BRSK1: variants seen among roughly 807,000 people sequenced by gnomAD.
The protein encoded by BRSK1 is serine/threonine-protein kinase BRSK1.
In BRSK1, 17 loss-of-function variants were observed where a neutral mutation model predicts 86.2. The observed-to-expected ratio is 0.20, with a 90% CI of 0.14 to 0.30. BRSK1 has a LOEUF of 0.30. BRSK1 is among the 10% of genes least tolerant of loss of function. The pLI, the probability that BRSK1 is intolerant of heterozygous loss-of-function variation, is 1.00. For missense variants in BRSK1, 719 were observed against 1,071.9 expected (o/e 0.67, Z 4.60); for synonymous variants, 464 against 440.1 (o/e 1.05, Z -0.68).
rs763763405 is a variant in BRSK1 at position 55,302,199 on chromosome 19, C to T, written c.857+31C>T. On this transcript the variant is annotated intron_variant, in intron 9 of 18. Coordinates refer to ENST00000309383, the MANE Select transcript of BRSK1 (RefSeq NM_032430.2). The surrounding 1 kb of genome is among the most constrained non-coding windows in gnomAD (Gnocchi z 6.3). Reference sequence around the variant, plus strand: ...TATGGGGTAACTGGACTCTTGGGTCCCTGGCGGAAATAGGGGAGGGGCCAA... The same window carrying T: ...TATGGGGTAACTGGACTCTTGGGTCTCTGGCGGAAATAGGGGAGGGGCCAA... 6.2e-7 allele frequency: 1 copy of T among 1,613,714 alleles called. No homozygotes were observed. Among genetic ancestry groups the T allele is most frequent in the South Asian group, 1.1e-5 (1 of 91,066 alleles).
At position 55,302,705 on chromosome 19, in the gene BRSK1, A is replaced by C. The variant is rs780693381; in HGVS notation, c.866A>C (p.Lys289Thr). ...TTTCTCCACTTCCCCAGAGGCGGGAAACACGAGCCAGACCCGTGCCTGGAG... is the reference window on the plus strand; with the variant it reads ...TTTCTCCACTTCCCCAGAGGCGGGACACACGAGCCAGACCCGTGCCTGGAG... The part of the protein sequence containing the change: ...IQKHPWYLGG[K>T]HEPDPCLEPA... The change falls in exon 10 of 19, where the codon AAA becomes ACA. Residue 289 changes from lysine (K) to threonine (T), a missense_variant. Physicochemically the swap from Lys to Thr is moderately conservative, Grantham distance 78. This residue lies in a region of BRSK1 where 168 missense variants were observed against 246.3 expected (regional missense o/e 0.68). Transcript: ENST00000309383. The surrounding 1 kb of genome is among the most constrained non-coding windows in gnomAD (Gnocchi z 6.3). 1 of 1,605,204 alleles carries C rather than the reference A, an allele frequency of 6.2e-7. No homozygotes were observed. The highest frequency in any genetic ancestry group is 8.5e-7 in the Non-Finnish European group (1 of 1,174,190).
rs772293739 is a variant in BRSK1, at chr19:55,306,205, T to C, written c.1891-47T>C. On this transcript the variant is annotated intron_variant, in intron 16 of 18. Transcript: ENST00000309383. This position sits in a 1 kb window ranked among gnomAD's most constrained non-coding sequence, Gnocchi z 4.7. ...GGCCAGAGCTGGTCGTGGGGCTGGG[T>C]ATCCATTTCCTGGGCTCACCCCTTC... 22 of 1,595,808 alleles carry C rather than the reference T, an allele frequency of 1.4e-5. No homozygotes were observed. Among genetic ancestry groups the C allele is most frequent in the Middle Eastern group, 3.3e-4 (2 of 6,028 alleles).
chr19:55,285,814 T>A (rs2122923834), intron 1 of BRSK1, among the ~76,000 whole-genome samples: 1 of 152,082 alleles, frequency 6.6e-6, no homozygotes, highest in South Asian at 2.1e-4. Flanking sequence ...GGGGACCGAC[T>A]GGGCCGTAAC....
At chr19:55,299,968 G>GT (rs2088547088) in intron 7 of BRSK1, among the ~76,000 whole-genome samples, 1 of 152,076 alleles carries the variant, frequency 6.6e-6, no homozygotes, top group Non-Finnish European at 1.5e-5. Context: ...TCCATGGGGG[G>GT]TCACCTTGGC....
chr19:55,305,551 A>G lies in BRSK1; in HGVS notation c.1855A>G (p.Ser619Gly). Residue 619 changes from serine to glycine, a missense_variant, in exon 16 of 19, where the codon AGC becomes GGC. This residue lies in a region of BRSK1 where 180 missense variants were observed against 259.4 expected (regional missense o/e 0.69). Coordinates refer to ENST00000309383, the MANE Select transcript of BRSK1 (RefSeq NM_032430.2). ...CGTGCTAAAGGACAAACCTCTCAGC[A>G]GCATCAAAGCAGACATCGTCCATGC... ...FLVLKDKPLS[S>G]IKADIVHAFL... is the part of the protein sequence containing the mutation. The G allele has an allele frequency of 1.2e-6, 2 of 1,614,228 alleles. No homozygotes were observed. The highest frequency in any genetic ancestry group is 1.7e-6 in the Non-Finnish European group (2 of 1,180,026).
chr19:55,290,119 G>A (rs1181506710), intron 4 of BRSK1, among the ~76,000 whole-genome samples: 3 of 151,774 alleles, frequency 2.0e-5, no homozygotes, highest in Admixed American at 1.3e-4. Flanking sequence ...CTCAGCCTCC[G>A]GAGTAGCTGG....
intron 7 of BRSK1, 114 bp from the exon 8 acceptor site, chr19:55,301,398 T>A: frequency 7.6e-7 from 1 of 1,319,562 alleles, no homozygotes; most frequent in Non-Finnish European, 1.0e-6. Flanking sequence ...GCTGAGCCTC[T>A]CTGTGCCTCA....
chr19:55,287,197 C>T lies in BRSK1; in HGVS notation c.232-17C>T, dbSNP rs11878562. On this transcript the variant is annotated splice_polypyrimidine_tract_variant and intron_variant, in intron 2 of 18. Transcript: ENST00000309383. The surrounding 1 kb of genome is among the most constrained non-coding windows in gnomAD (Gnocchi z 5.3). ...GCTGACCTCTTTTCCCGTGTCCCCA[C>T]CCCTCTTGACCCTCAGGTGGAGCGG... 225,287 of 1,613,530 alleles carry T rather than the reference C, an allele frequency of 0.14. 17,665 individuals are homozygous for T. Among genetic ancestry groups the T allele is most frequent in the African/African-American group, 0.26 (19,652 of 74,882 alleles).
chr19:55,289,567 G>A lies in BRSK1; in HGVS notation c.405G>A (p.Lys135=). 6.2e-7 allele frequency: 1 copy of A among 1,614,152 alleles called. No homozygotes were observed. Among genetic ancestry groups the A allele is most frequent in the Non-Finnish European group, 8.5e-7 (1 of 1,180,028 alleles). The change falls in exon 4 of 19, where the codon AAG becomes AAA. Residue 135 remains lysine (K), a synonymous_variant. Coordinates refer to ENST00000309383, the MANE Select transcript of BRSK1 (RefSeq NM_032430.2). ...KGRLTPKEAR[K]FFRQIVSALD... ...GACTGACGCCCAAGGAGGCCCGAAA[G>A]TTCTTCCGCCAGATTGTGTCTGCGC...
chr19:55,308,296 A>T (rs1468139247), intron 17 of BRSK1, among the ~76,000 whole-genome samples: 1 of 106,614 alleles, frequency 9.4e-6, no homozygotes, highest in Non-Finnish European at 1.8e-5. Context: ...GAGTGTTGGG[A>T]TTACAGGCAT....
rs760041089 is a variant in BRSK1, at chr19:55,305,404, A to G, written c.1766+35A>G. On this transcript the variant is annotated intron_variant, in intron 15 of 18. Transcript: ENST00000309383. ...ACAGGGAAGGAAAGAGTGGGGATGCAGGGGATTCATGCCCTCGGCGCCTTC... is the reference window on the plus strand; with the variant it reads ...ACAGGGAAGGAAAGAGTGGGGATGCGGGGGATTCATGCCCTCGGCGCCTTC... 8 of 1,614,082 alleles carry G rather than the reference A, an allele frequency of 5.0e-6. No individual in the cohort carries two copies. The South Asian group carries it at 5.5e-5, about 11-fold the overall frequency.
At chr19:55,295,532 C>T (rs2088474026) in intron 7 of BRSK1, among the ~76,000 whole-genome samples, 1 of 152,178 alleles carries the variant, frequency 6.6e-6, no homozygotes, top group South Asian at 2.1e-4. Context: ...ATTCACAGAA[C>T]TGTGGGTTAA....
chr19:55,305,165 G>C lies in BRSK1; in HGVS notation c.1718-156G>C, dbSNP rs550499717. On this transcript the variant is annotated intron_variant, in intron 14 of 18. Coordinates refer to ENST00000309383, the MANE Select transcript of BRSK1 (RefSeq NM_032430.2). ...TTGGGGCTCTGGATTACCTCCCATT[G>C]GCCCGTGGTTTGTGAGCCCCGCCCA... 9.2e-5 allele frequency among the ~76,000 whole-genome samples: 14 copies of C among 152,290 alleles called. 1 individual carries two copies. In the South Asian group the frequency reaches 2.9e-3, roughly 32 times the overall value.
rs748366809 is a variant in BRSK1, at chr19:55,294,394, C to T, written c.675C>T (p.Leu225=). The change falls in exon 7 of 19, where the codon CTC becomes CTT. Residue 225 remains leucine (L), a synonymous_variant. Transcript: ENST00000309383. The surrounding 1 kb of genome is among the most constrained non-coding windows in gnomAD (Gnocchi z 4.9). ...GTGGAGTCATCCTCTTCGCCCTGCT[C>T]GTGGTAAGGCGCCCTCACCTCTCCT... ...WSCGVILFAL[L]VGALPFDDDN... is the part of the protein sequence containing the mutation. The T allele has an allele frequency of 1.1e-5, 18 of 1,613,688 alleles. No individual in the cohort carries two copies. The Admixed American group carries it at 1.5e-4, about 13-fold the overall frequency.
intron 17 of BRSK1, 116 bp from the exon 18 acceptor site, chr19:55,308,523 C>T (rs981067459): frequency 8.2e-5 from 60 of 733,920 alleles, no homozygotes; most frequent in African/African-American, 6.2e-4. Context: ...GCAGGGGAGA[C>T]GGAGATGCAG....
Position 55,305,382 on chromosome 19 carries a change from G to C in BRSK1, c.1766+13G>C, listed in dbSNP as rs1295033126. ...AGTCCTCCCCGGAGTGAGTCTCACA[G>C]GGAAGGAAAGAGTGGGGATGCAGGG... On this transcript the variant is annotated intron_variant, in intron 15 of 18. Coordinates refer to ENST00000309383, the MANE Select transcript of BRSK1 (RefSeq NM_032430.2). 1 of 1,614,194 alleles carries C rather than the reference G, an allele frequency of 6.2e-7. No homozygotes were observed. Among genetic ancestry groups the C allele is most frequent in the Non-Finnish European group, 8.5e-7 (1 of 1,180,026 alleles).
rs1057229055 is a variant in BRSK1 at position 55,306,493 on chromosome 19, T to C, written c.2089+43T>C. Reference sequence around the variant, plus strand: ...GCTGCCTGCAGCCCAGTGCTGGGACTGTTCACGACAGCTGAGACAGTGTAG... The same window carrying C: ...GCTGCCTGCAGCCCAGTGCTGGGACCGTTCACGACAGCTGAGACAGTGTAG... On this transcript the variant is annotated intron_variant, in intron 17 of 18. Transcript: ENST00000309383. The surrounding 1 kb of genome is among the most constrained non-coding windows in gnomAD (Gnocchi z 4.7). 5.0e-6 allele frequency: 8 copies of C among 1,601,308 alleles called. No individual in the cohort carries two copies. In the Admixed American group the frequency reaches 8.3e-5, roughly 17 times the overall value.
chr19:55,303,299 C>T lies in BRSK1; in HGVS notation c.1029-12C>T, dbSNP rs776897930. 12 of 1,607,736 alleles carry T rather than the reference C, an allele frequency of 7.5e-6. No homozygotes were observed. Among genetic ancestry groups the T allele is most frequent in the South Asian group, 5.5e-5 (5 of 90,970 alleles). The stretch of plus-strand genomic sequence containing the variant: ...TGCTACCTCTTTCCACCTTTCCCAC[C>T]CCCTGCCTTAGGGAGAACCAAGAAA... On this transcript the variant is annotated splice_polypyrimidine_tract_variant and intron_variant, in intron 10 of 18. Coordinates refer to ENST00000309383, the MANE Select transcript of BRSK1 (RefSeq NM_032430.2). The surrounding 1 kb of genome is among the most constrained non-coding windows in gnomAD (Gnocchi z 5.1).
Position 55,306,173 on chromosome 19 carries a change from G to C in BRSK1, c.1891-79G>C. The stretch of plus-strand genomic sequence containing the variant: ...CCTCCAGTGGCTCATGGGACTCGTA[G>C]TTCCTTGGCCAGAGCTGGTCGTGGG... On this transcript the variant is annotated intron_variant, in intron 16 of 18. Coordinates refer to ENST00000309383, the MANE Select transcript of BRSK1 (RefSeq NM_032430.2). This position sits in a 1 kb window ranked among gnomAD's most constrained non-coding sequence, Gnocchi z 4.7. The C allele has an allele frequency of 6.8e-7, 1 of 1,462,450 alleles. No homozygotes were observed. Among genetic ancestry groups the C allele is most frequent in the Non-Finnish European group, 9.4e-7 (1 of 1,064,356 alleles). 90.6% of individuals were successfully genotyped at this position (1,462,450 alleles called of 1,614,324 possible). A position where few individuals can be genotyped will look rare whatever the true frequency, so the allele number is the denominator to read the frequency against.
Sources: gnomAD v4.1 joint callset for allele counts (sites outside exome capture counted in the v4.1 genomes callset) on GRCh38, gnomAD v4.1.1 for gene constraint, gnomAD v4.1.1 regional missense constraint, Gnocchi (gnomAD v3.1) non-coding constraint, MANE v1.5 for transcripts, NCBI Gene and HGNC (gene_info 2026-07-23, HGNC 2026-07-21) for gene names.